Variants in NFYC observed in about 807,000 individuals in gnomAD.
NFYC encodes the protein nuclear transcription factor Y subunit gamma.
In NFYC, 25 loss-of-function variants were observed where a neutral mutation model predicts 53.1. The observed-to-expected ratio is 0.47, with a 90% CI of 0.34 to 0.66. The LOEUF is 0.66. NFYC is among the 30% of genes least tolerant of loss of function. The pLI is 0.01. For synonymous variants in NFYC, 145 were observed against 152.6 expected (o/e 0.95, Z 0.37); for missense variants, 260 against 422.7 (o/e 0.62, Z 3.38).
At chr1:40,708,840 A>G (rs1643841380) in intron 1 of NFYC, among the ~76,000 whole-genome samples, 1 of 152,226 alleles carries the variant, frequency 6.6e-6, no homozygotes, top group African/African-American at 2.4e-5. Context: ...AAAACTGAAG[A>G]TGGTCACAAC....
At chr1:40,754,583 CAA>C in intron 5 of NFYC, 2 of 376,506 alleles carry the variant, frequency 5.3e-6, no homozygotes, top group South Asian at 4.1e-5. Context: ...TCCTTCAGAA[CAA>C]AGAGTATCAT....
At chr1:40,750,088 C>A (rs771652282) in intron 4 of NFYC, among the ~76,000 whole-genome samples, 44 of 152,276 alleles carry the variant, frequency 2.9e-4, no homozygotes, top group Non-Finnish European at 6.0e-4. Flanking sequence ...ATCAGTCTCA[C>A]TAGCTTCATT....
intron 1 of NFYC, among the ~76,000 whole-genome samples, chr1:40,729,990 G>C (rs1644693342): frequency 6.6e-6 from 1 of 151,850 alleles, no homozygotes; most frequent in Admixed American, 6.6e-5. Flanking sequence ...ATCAGCTTTT[G>C]ATGTGCTTTC....
intron 1 of NFYC, among the ~76,000 whole-genome samples, chr1:40,719,170 A>T (rs970428732): frequency 2.0e-5 from 3 of 152,204 alleles, no homozygotes; most frequent in African/African-American, 7.2e-5. Flanking sequence ...CGCCTGGCCC[A>T]TGGTGTTCTT....
chr1:40,695,419 G>GGTTTT (rs957960754), intron 1 of NFYC, among the ~76,000 whole-genome samples: 2 of 152,004 alleles, frequency 1.3e-5, no homozygotes, highest in Non-Finnish European at 2.9e-5. Flanking sequence ...TCTTGTTTTG[G>GGTTTT]GTTTTGTTTT....
At chr1:40,738,232 C>T (rs1167653937) in intron 1 of NFYC, among the ~76,000 whole-genome samples, 1 of 152,170 alleles carries the variant, frequency 6.6e-6, no homozygotes, top group Non-Finnish European at 1.5e-5. Context: ...CAGACGCTTG[C>T]TATGTTGCCC....
intron 6 of NFYC, among the ~76,000 whole-genome samples, chr1:40,761,685 C>T (rs1646553063): frequency 2.0e-5 from 3 of 152,158 alleles, no homozygotes; most frequent in African/African-American, 7.2e-5. Flanking sequence ...ATCTGTCGTT[C>T]CCAGAACACA....
chr1:40,754,596 A>C (rs1162090239), intron 5 of NFYC: 1 of 368,074 alleles, frequency 2.7e-6, no homozygotes, highest in Non-Finnish European at 5.6e-6. Context: ...AGAGTATCAT[A>C]CACCTGCTTT....
At chr1:40,749,791 T>G in intron 4 of NFYC, 105 bp downstream of exon 4, 1 of 906,952 alleles carries the variant, frequency 1.1e-6, no homozygotes, top group Non-Finnish European at 1.8e-6. Flanking sequence ...GACCAAAGAT[T>G]GTTCTCCTTT....
chr1:40,707,236 G>A (rs576646187), intron 1 of NFYC, among the ~76,000 whole-genome samples: 7 of 151,920 alleles, frequency 4.6e-5, no homozygotes, highest in African/African-American at 1.4e-4. Context: ...GCTCACTCCT[G>A]TAATCCCAGC....
chr1:40,698,682 C>T (rs1643277747), intron 1 of NFYC, among the ~76,000 whole-genome samples: 1 of 152,022 alleles, frequency 6.6e-6, no homozygotes, highest in Non-Finnish European at 1.5e-5. Flanking sequence ...CCTGCCTCAG[C>T]CTCCACTGCG....
chr1:40,754,339 C>T (rs771724671), intron 5 of NFYC: 9 of 534,362 alleles, frequency 1.7e-5, no homozygotes, highest in African/African-American at 9.6e-5. Flanking sequence ...TGCCTCACTG[C>T]GTCTCCGTTC....
intron 8 of NFYC, among the ~76,000 whole-genome samples, chr1:40,767,542 C>T (rs823679): frequency 0.12 from 18,571 of 152,144 alleles, 1,247 homozygotes; most frequent in African/African-American, 0.15. Context: ...CCTAAGGACG[C>T]GGCTTTTCCG....
intron 1 of NFYC, among the ~76,000 whole-genome samples, chr1:40,712,040 T>C (rs1643943855): frequency 6.6e-6 from 1 of 152,238 alleles, no homozygotes; most frequent in Non-Finnish European, 1.5e-5. Context: ...AGATCATGTG[T>C]GTCAAAGTAC....
intron 1 of NFYC, chr1:40,721,570 G>GTT (rs57312370): frequency 8.0e-5 from 12 of 150,752 alleles, no homozygotes; most frequent in Non-Finnish European, 1.5e-4. Flanking sequence ...TTTTTTTGGG[G>GTT]TTTTTTTTTG....
intron 1 of NFYC, among the ~76,000 whole-genome samples, chr1:40,693,864 A>C (rs1036073287): frequency 6.6e-6 from 1 of 152,260 alleles, no homozygotes; most frequent in Non-Finnish European, 1.5e-5. Flanking sequence ...TATAATTCTT[A>C]AGAATTTCTT....
intron 1 of NFYC, among the ~76,000 whole-genome samples, chr1:40,727,099 G>A (rs1644550692): frequency 6.6e-6 from 1 of 152,158 alleles, no homozygotes; most frequent in Non-Finnish European, 1.5e-5. Flanking sequence ...TTCCACTGAA[G>A]TCTCAAACCC....
chr1:40,725,809 T>C (rs2148511483), intron 1 of NFYC, among the ~76,000 whole-genome samples: 1 of 152,286 alleles, frequency 6.6e-6, no homozygotes, highest in South Asian at 2.1e-4. Context: ...CAAAATACAA[T>C]AAAGCTAACA....
intron 1 of NFYC, among the ~76,000 whole-genome samples, chr1:40,726,107 T>G (rs1210092822): frequency 2.9e-5 from 3 of 101,882 alleles, no homozygotes; most frequent in African/African-American, 8.7e-5. Flanking sequence ...GTGTATGTGT[T>G]TGTGTGTGTG....
Sources: allele counts gnomAD v4.1 joint callset (sites outside exome capture counted in the v4.1 genomes callset), GRCh38; gene constraint gnomAD v4.1.1; transcripts MANE v1.5; gene names NCBI Gene and HGNC (gene_info 2026-07-23, HGNC 2026-07-21).